TMEM182: variants seen among roughly 807,000 people sequenced by gnomAD.
The protein encoded by TMEM182 is transmembrane protein 182.
A neutral mutation model predicts 26.8 loss-of-function variants in TMEM182; 20 were observed. The ratio of observed to expected loss-of-function variants is 0.75; its 90% confidence interval spans 0.53 to 1.09. The LOEUF is 1.09. Ranked by LOEUF, TMEM182 falls within the 50% of genes least tolerant of loss-of-function variation. The pLI is 0.00. For missense variants in TMEM182, 277 were observed against 275.5 expected (o/e 1.01, Z -0.04); for synonymous variants, 109 against 102.2 (o/e 1.07, Z -0.40).
intron 4 of TMEM182, among the ~76,000 whole-genome samples, chr2:102,804,133 T>A (rs1682259492): frequency 6.6e-6 from 1 of 152,154 alleles, no homozygotes. Flanking sequence ...CCTTCACATT[T>A]TAGTTTCTTT....
rs372506888 is a variant in TMEM182, at chr2:102,765,256, G to T, written c.331+829G>T. ...GAGTCTGAAATCTACAGGGCAATTG[G>T]CAGGCTGGAGATTCAGGTCAGAGCT... is the stretch of plus-strand genomic sequence containing the variant. On this transcript the variant is annotated intron_variant, in intron 3 of 4. Transcript: ENST00000412401. 3.3e-5 allele frequency among the ~76,000 whole-genome samples: 5 copies of T among 152,262 alleles called. No homozygotes were observed. In the East Asian group the frequency reaches 9.6e-4, roughly 29 times the overall value.
At chr2:102,809,905 C>T (rs1476904673) in intron 4 of TMEM182, among the ~76,000 whole-genome samples, 1 of 152,166 alleles carries the variant, frequency 6.6e-6, no homozygotes, top group African/African-American at 2.4e-5. Flanking sequence ...AGTTCTATGG[C>T]TTTTCTTATG....
chr2:102,815,077 G>T lies in TMEM182; in HGVS notation c.*109G>T. The stretch of plus-strand genomic sequence containing the variant: ...TAAAGTTAGTAGATATAACTTTTTA[G>T]TTGCTATTCAAATTAATCATTTTAC... On this transcript the variant is annotated 3_prime_UTR_variant, in exon 5 of 5. Transcript: ENST00000412401. The T allele has an allele frequency of 6.8e-7, 1 of 1,465,224 alleles. No individual in the cohort carries two copies. The highest frequency in any genetic ancestry group is 9.0e-7 in the Non-Finnish European group (1 of 1,115,372). The allele number at this position is 1,465,224 out of a possible 1,614,324, so 90.8% of individuals were successfully genotyped here.
chr2:102,783,011 T>G (rs1681238909), intron 3 of TMEM182, among the ~76,000 whole-genome samples: 1 of 152,238 alleles, frequency 6.6e-6, no homozygotes, highest in Admixed American at 6.5e-5. Context: ...AACCATAGAT[T>G]TAATATTGTT....
chr2:102,764,250 C>G (rs1024102099), intron 2 of TMEM182, 79 bp from the exon 3 acceptor site: 5 of 1,401,232 alleles, frequency 3.6e-6, no homozygotes, highest in Non-Finnish European at 4.0e-6. Context: ...CCCTTGTGCT[C>G]TGTATTTCTG....
chr2:102,776,338 C>T (rs946789937), intron 3 of TMEM182, among the ~76,000 whole-genome samples: 4 of 152,074 alleles, frequency 2.6e-5, no homozygotes, highest in African/African-American at 7.2e-5. Flanking sequence ...CCTTTCTGCC[C>T]CCAAACCATC....
intron 1 of TMEM182, among the ~76,000 whole-genome samples, chr2:102,756,457 C>T (rs1680035564): frequency 6.6e-6 from 1 of 152,086 alleles, no homozygotes; most frequent in African/African-American, 2.4e-5. Context: ...CCTGTAATCC[C>T]AGCACTTTGG....
chr2:102,837,403 G>A lies in TMEM182; in HGVS notation c.326-6009G>A, dbSNP rs115177519. On this transcript the variant is annotated intron_variant, in intron 3 of 3. Coordinates refer to the TMEM182 transcript ENST00000486293. The stretch of plus-strand genomic sequence containing the variant: ...GACTAGATTCTACCGATACATTGAA[G>A]AATGATTTGCTGTTGTTAATAGGGT... Among the ~76,000 whole-genome samples, 1,067 of 152,306 alleles carry A rather than the reference G, an allele frequency of 7.0e-3. 13 individuals carry two copies. The highest frequency in any genetic ancestry group is 0.025 in the African/African-American group (1,025 of 41,562).
chr2:102,818,633 A>G (rs956785313), downstream of TMEM182, among the ~76,000 whole-genome samples: 3 of 152,154 alleles, frequency 2.0e-5, no homozygotes, highest in Non-Finnish European at 4.4e-5. Flanking sequence ...TCCTGCCCAT[A>G]GGATTCAGCT....
At chr2:102,830,639 A>G (rs567900360) in intron 3 of TMEM182, among the ~76,000 whole-genome samples, 146 of 152,342 alleles carry the variant, frequency 9.6e-4, no homozygotes, top group African/African-American at 3.3e-3. Flanking sequence ...AAAAGAGCAT[A>G]TCATGGAGAA....
intron 1 of TMEM182, among the ~76,000 whole-genome samples, chr2:102,747,517 G>A (rs1490418781): frequency 6.6e-6 from 1 of 152,198 alleles, no homozygotes. Context: ...GTTGAATATG[G>A]TGGCAGAGGT....
intron 3 of TMEM182, among the ~76,000 whole-genome samples, chr2:102,838,880 G>A (rs556439528): frequency 2.6e-5 from 4 of 152,226 alleles, no homozygotes; most frequent in East Asian, 1.9e-4. Flanking sequence ...ATACACTGTC[G>A]CTGTGAAAAA....
rs569554440 is a variant in TMEM182, at chr2:102,763,555, G to A, written c.233-774G>A. Among the ~76,000 whole-genome samples the A allele has an allele frequency of 2.0e-5, 3 of 152,248 alleles. No homozygotes were observed. In the East Asian group the frequency reaches 5.8e-4, roughly 29 times the overall value. ...ACTTAAGCAAGCTGGTGATAAGTTG[G>A]CATATATAAGGAACAAAGTAGTGAT... On this transcript the variant is annotated intron_variant, in intron 2 of 4. Coordinates refer to ENST00000412401, the MANE Select transcript of TMEM182 (RefSeq NM_144632.5).
intron 3 of TMEM182, among the ~76,000 whole-genome samples, chr2:102,823,812 T>C (rs1482995590): frequency 6.6e-6 from 1 of 152,244 alleles, no homozygotes; most frequent in African/African-American, 2.4e-5. Flanking sequence ...GTTTTGTTCC[T>C]ATCTGGAAGA....
At chr2:102,759,355 G>T (rs1429913990), upstream of TMEM182, among the ~76,000 whole-genome samples, 1 of 152,088 alleles carries the variant, frequency 6.6e-6, no homozygotes, top group African/African-American at 2.4e-5. Context: ...GGGGCGTGTG[G>T]GGGAGCAGTA....
At chr2:102,776,284 T>G (rs1428248900) in intron 3 of TMEM182, among the ~76,000 whole-genome samples, 1 of 152,206 alleles carries the variant, frequency 6.6e-6, no homozygotes, top group African/African-American at 2.4e-5. Context: ...TCATACAGAT[T>G]AGTCTCATTA....
chr2:102,799,172 A>G (rs1682006965), intron 4 of TMEM182, among the ~76,000 whole-genome samples: 1 of 152,248 alleles, frequency 6.6e-6, no homozygotes, highest in South Asian at 2.1e-4. Context: ...AACCAGAGTG[A>G]CAGAGTGCTC....
At chr2:102,780,311 C>T (rs940997173) in intron 3 of TMEM182, among the ~76,000 whole-genome samples, 2 of 152,148 alleles carry the variant, frequency 1.3e-5, no homozygotes, top group African/African-American at 4.8e-5. Flanking sequence ...GGCATTGCCT[C>T]ATTAATTCCA....
intron 3 of TMEM182, among the ~76,000 whole-genome samples, chr2:102,826,072 C>T (rs1683025201): frequency 6.6e-6 from 1 of 152,168 alleles, no homozygotes; most frequent in African/African-American, 2.4e-5. Flanking sequence ...TCTCCACTGG[C>T]CACTCACTGA....
Sources: allele counts gnomAD v4.1 joint callset (sites outside exome capture counted in the v4.1 genomes callset), GRCh38; gene constraint gnomAD v4.1.1; transcripts MANE v1.5; gene names NCBI Gene and HGNC (gene_info 2026-07-23, HGNC 2026-07-21).